PSD3: variants seen among roughly 807,000 people sequenced by gnomAD.
PSD3 encodes PH and SEC7 domain-containing protein 3.
In PSD3, 49 loss-of-function variants were observed where a neutral mutation model predicts 105.5. The observed-to-expected ratio is 0.46, with a 90% CI of 0.37 to 0.59. PSD3 has a LOEUF of 0.59. PSD3 is among the 20% of genes least tolerant of loss of function. The pLI, the probability that PSD3 is intolerant of heterozygous loss-of-function variation, is 0.00. For missense variants in PSD3, 1,561 were observed against 1,263.8 expected (o/e 1.24, Z -3.57); for synonymous variants, 557 against 457.8 (o/e 1.22, Z -2.77).
At position 19,056,953 on chromosome 8, in the gene PSD3, A is replaced by T. The variant is rs527344539; in HGVS notation, c.324+27253T>A. ...CTCAGCTTACACTTTTATTAAGAAA[A>T]TAGAAGCTGTCTGATAAGGGTATGA... On this transcript the variant is annotated intron_variant, in intron 1 of 1. Coordinates refer to the PSD3 transcript ENST00000521475. Among the ~76,000 whole-genome samples the T allele has an allele frequency of 2.0e-5, 3 of 152,280 alleles. No homozygotes were observed. The East Asian group carries it at 5.8e-4, about 29-fold the overall frequency.
chr8:18,632,927 CCAT>C (rs1807006592), intron 10 of PSD3, 121 bp from the exon 11 acceptor site: 3 of 742,532 alleles, frequency 4.0e-6, no homozygotes, highest in South Asian at 2.1e-5. Flanking sequence ...ATAACCACCA[CCAT>C]GATAATGACA....
In PSD3 at chr8:18,832,439, T is replaced by C. The variant is rs185389822; in HGVS notation, c.1635-27541A>G. ...CTCAAACGTTTTGGGCACAGGCTTATTGGCCACACTCCTTTCAACTCCAAT... is the reference window on the plus strand; with the variant it reads ...CTCAAACGTTTTGGGCACAGGCTTACTGGCCACACTCCTTTCAACTCCAAT... On this transcript the variant is annotated intron_variant, in intron 4 of 15. Transcript: ENST00000327040. Among the ~76,000 whole-genome samples, 4 of 152,284 alleles carry C rather than the reference T, an allele frequency of 2.6e-5. No individual in the cohort carries two copies. In the East Asian group the frequency reaches 5.8e-4, roughly 22 times the overall value.
intron 14 of PSD3, among the ~76,000 whole-genome samples, chr8:18,568,607 C>A: frequency 6.6e-6 from 1 of 152,278 alleles, no homozygotes; most frequent in East Asian, 1.9e-4. Flanking sequence ...ACTTTCACTA[C>A]GATCCATTTC....
chr8:18,715,839 G>T (rs1256987595), intron 9 of PSD3, among the ~76,000 whole-genome samples: 1 of 152,138 alleles, frequency 6.6e-6, no homozygotes, highest in Non-Finnish European at 1.5e-5. Flanking sequence ...TACATCCAAC[G>T]CATATTTACT....
At chr8:19,036,844 C>T (rs1827958164) in intron 1 of PSD3, among the ~76,000 whole-genome samples, 4 of 152,126 alleles carry the variant, frequency 2.6e-5, no homozygotes, top group Admixed American at 2.0e-4. Context: ...TAGTTCACCT[C>T]AATACTCATC....
At chr8:19,013,239 G>A (rs980470598) in intron 1 of PSD3, among the ~76,000 whole-genome samples, 7 of 151,236 alleles carry the variant, frequency 4.6e-5, no homozygotes, top group African/African-American at 1.7e-4. Context: ...AGCTGACCGG[G>A]CAAAGAAAGA....
chr8:18,559,147 A>G (rs1482591386), intron 14 of PSD3, among the ~76,000 whole-genome samples: 1 of 152,172 alleles, frequency 6.6e-6, no homozygotes, highest in Non-Finnish European at 1.5e-5. Flanking sequence ...AGTGTGTCAC[A>G]AAGTGTTGGC....
chr8:18,969,718 T>C (rs1284466951), intron 1 of PSD3, among the ~76,000 whole-genome samples: 2 of 152,226 alleles, frequency 1.3e-5, no homozygotes, highest in Non-Finnish European at 2.9e-5. Context: ...AGACCTGAAT[T>C]CCTGTAAACA....
intron 10 of PSD3, among the ~76,000 whole-genome samples, chr8:18,639,350 C>T (rs1807482902): frequency 6.6e-6 from 1 of 151,956 alleles, no homozygotes; most frequent in Non-Finnish European, 1.5e-5. Context: ...GTCTTACTTG[C>T]TTATGGAATG....
intron 1 of PSD3, among the ~76,000 whole-genome samples, chr8:18,993,832 CCT>C (rs1586595045): frequency 6.7e-6 from 1 of 149,568 alleles, no homozygotes; most frequent in Non-Finnish European, 1.5e-5. Context: ...GTTAATTTAT[CCT>C]CTGTTTTCCA....
chr8:18,557,538 A>G (rs1443094841), intron 14 of PSD3: 1 of 154,216 alleles, frequency 6.5e-6, no homozygotes, highest in Non-Finnish European at 1.5e-5. Flanking sequence ...AACCATCAAA[A>G]CAGAAGAAAA....
intron 9 of PSD3, among the ~76,000 whole-genome samples, chr8:18,714,032 A>G (rs540198638): frequency 2.0e-5 from 3 of 152,334 alleles, no homozygotes; most frequent in African/African-American, 7.2e-5. Context: ...CAATGGGGAA[A>G]TGATTCCCTA....
At chr8:18,729,457 A>G (rs892903146) in intron 9 of PSD3, among the ~76,000 whole-genome samples, 1 of 152,192 alleles carries the variant, frequency 6.6e-6, no homozygotes, top group African/African-American at 2.4e-5. Context: ...TTCAAGATGA[A>G]GAGGGCTGTA....
intron 11 of PSD3, among the ~76,000 whole-genome samples, chr8:18,602,739 G>C (rs1804527291): frequency 6.6e-6 from 1 of 152,060 alleles, no homozygotes; most frequent in African/African-American, 2.4e-5. Flanking sequence ...AAGTGGGCTG[G>C]GAAGGCTCTC....
At chr8:18,993,679 T>C (rs1825923014) in intron 1 of PSD3, among the ~76,000 whole-genome samples, 2 of 152,006 alleles carry the variant, frequency 1.3e-5, no homozygotes, top group African/African-American at 2.4e-5. Flanking sequence ...TTATACATTA[T>C]TAGCTGTTTT....
intron 4 of PSD3, among the ~76,000 whole-genome samples, chr8:18,849,916 T>A (rs1051222080): frequency 6.6e-6 from 1 of 152,234 alleles, no homozygotes; most frequent in African/African-American, 2.4e-5. Context: ...AGTGACTGTT[T>A]CCCACCACTA....
At chr8:18,704,906 A>G (rs186441329) in intron 9 of PSD3, among the ~76,000 whole-genome samples, 9 of 152,324 alleles carry the variant, frequency 5.9e-5, no homozygotes, top group Admixed American at 5.9e-4. Flanking sequence ...AAAAAGATGA[A>G]TATCTCAATT....
At chr8:18,983,165 T>C (rs1825326780) in intron 1 of PSD3, among the ~76,000 whole-genome samples, 1 of 152,234 alleles carries the variant, frequency 6.6e-6, no homozygotes. Context: ...TATGAACCAA[T>C]GTCTGCTAGC....
At chr8:18,811,653 G>A (rs922069675) in intron 4 of PSD3, among the ~76,000 whole-genome samples, 4 of 152,210 alleles carry the variant, frequency 2.6e-5, no homozygotes, top group Middle Eastern at 6.8e-3. Flanking sequence ...AAGGAGATAA[G>A]CCTTGCAAAT....
Sources: allele counts gnomAD v4.1 joint callset (sites outside exome capture counted in the v4.1 genomes callset), GRCh38; gene constraint gnomAD v4.1.1; transcripts MANE v1.5; gene names NCBI Gene and HGNC (gene_info 2026-07-23, HGNC 2026-07-21).